OVCH1: variants seen among roughly 807,000 people sequenced by gnomAD.
OVCH1 encodes the protein ovochymase-1.
A neutral mutation model predicts 138.4 loss-of-function variants in OVCH1; 139 were observed. The ratio of observed to expected loss-of-function variants is 1.00; its 90% CI spans 0.87 to 1.16. The LOEUF (loss-of-function observed/expected upper bound fraction) is 1.16, where lower values mean the gene tolerates loss of function less well. OVCH1 is among the 50% of genes most tolerant of loss of function. The probability of loss-of-function intolerance (pLI) is 0.00; values close to 1 mark genes in which losing one functional copy is unlikely to be tolerated. For synonymous variants in OVCH1, 453 were observed against 467.8 expected, an observed-to-expected ratio of 0.97 and a Z score of 0.41; for missense variants, 1,367 against 1,357.9, an observed-to-expected ratio of 1.01 and a Z score of -0.11.
rs747347480 is a variant in OVCH1, at chr12:29,491,108, T to G, written c.539A>C (p.Lys180Thr). The stretch of plus-strand genomic sequence containing the variant: ...TTGGTGTCTCTTACTTTTGGAAATC[T>G]TGCCCCATCCACTGGATAAGCAAAG... The change falls in exon 5 of 28, where the codon AAG becomes ACG. Residue 180 changes from lysine (K) to threonine (T), a missense_variant. Lys to Thr is a moderately conservative substitution (Grantham distance 78). Coordinates refer to ENST00000318184, the Ensembl canonical transcript of OVCH1. The G allele has an allele frequency of 1.9e-6, 3 of 1,613,498 alleles. No homozygotes were observed. In the African/African-American group the frequency reaches 4.0e-5, roughly 22 times the overall value.
downstream of OVCH1, chr12:29,423,403 C>A: frequency 7.7e-6 from 3 of 387,842 alleles, no homozygotes; most frequent in East Asian, 7.6e-5. Context: ...TTGATATTAA[C>A]AAAAGAATGA....
intron 16 of OVCH1, among the ~76,000 whole-genome samples, chr12:29,469,371 CA>C (rs369261987): frequency 2.0e-5 from 3 of 151,568 alleles, no homozygotes; most frequent in South Asian, 2.1e-4. Context: ...GGATGTTCTA[CA>C]AAAAAAACAG....
downstream of OVCH1, among the ~76,000 whole-genome samples, chr12:29,411,101 CT>C (rs1940949239): frequency 8.9e-6 from 1 of 112,332 alleles, no homozygotes; most frequent in African/African-American, 2.7e-5. Context: ...ATCGCATCAG[CT>C]CCTGAGGCTT....
intron 3 of OVCH1, among the ~76,000 whole-genome samples, chr12:29,495,690 CCTTTT>C (rs1943397159): frequency 6.6e-6 from 1 of 151,924 alleles, no homozygotes; most frequent in Admixed American, 6.5e-5. Context: ...AATATTGCAT[CCTTTT>C]CTTCTTTGAT....
chr12:29,489,178 A>G (rs3825238), intron 6 of OVCH1, among the ~76,000 whole-genome samples: 75,441 of 151,942 alleles, frequency 0.5, 19,175 homozygotes, highest in East Asian at 0.73. Flanking sequence ...GGGAGATTGT[A>G]GTTATTCCCA....
chr12:29,493,882 T>C (rs1253223250), intron 4 of OVCH1, among the ~76,000 whole-genome samples: 1 of 152,250 alleles, frequency 6.6e-6, no homozygotes, highest in African/African-American at 2.4e-5. Context: ...GTGCTCGAAT[T>C]CATTAAAACT....
At chr12:29,495,361 G>C in exon 4 of OVCH1, 2 of 1,613,060 alleles carry the variant, frequency 1.2e-6, no homozygotes, top group Non-Finnish European at 1.7e-6. Context: ...ATTCAGGATG[G>C]GTAATAATTT....
chr12:29,411,078 T>C (rs914912103), downstream of OVCH1, among the ~76,000 whole-genome samples: 5 of 131,270 alleles, frequency 3.8e-5, no homozygotes, highest in Non-Finnish European at 8.6e-5. Flanking sequence ...GCTGATACCC[T>C]TTCTTCCAGT....
At chr12:29,402,763 T>G in the OVCH1 span, among the ~76,000 whole-genome samples, 48 of 150,144 alleles carry the variant, frequency 3.2e-4, no homozygotes, top group African/African-American at 1.2e-3. Context: ...TGAAAGAGTG[T>G]AAGAAGTCCA....
chr12:29,455,690 G>C (rs1367595530), intron 19 of OVCH1, among the ~76,000 whole-genome samples: 1 of 152,158 alleles, frequency 6.6e-6, no homozygotes, highest in African/African-American at 2.4e-5. Flanking sequence ...CCATCGGAGG[G>C]AGATAGTCTT....
chr12:29,466,254 A>G lies in OVCH1; in HGVS notation c.1857-1035T>C, dbSNP rs58479340. Among the ~76,000 whole-genome samples the G allele has an allele frequency of 3.0e-4, 46 of 152,090 alleles. 1 individual carries two copies. The East Asian group carries it at 7.7e-3, about 26-fold the overall frequency. On this transcript the variant is annotated intron_variant, in intron 16 of 27. Coordinates refer to ENST00000318184, the Ensembl canonical transcript of OVCH1. ...TAGAACTTAAAGTATAATAAAAAAT[A>G]TATACAAAAAAATCATAAGGAAGAG...
At chr12:29,446,588 GA>G (rs1941621793) in intron 22 of OVCH1, among the ~76,000 whole-genome samples, 1 of 152,036 alleles carries the variant, frequency 6.6e-6, no homozygotes, top group South Asian at 2.1e-4. Flanking sequence ...TGCTAGGTTG[GA>G]AAATTATAGG....
chr12:29,492,121 G>T (rs1356848500), intron 4 of OVCH1, among the ~76,000 whole-genome samples: 3 of 152,112 alleles, frequency 2.0e-5, no homozygotes, highest in Admixed American at 6.5e-5. Flanking sequence ...GAATGGCATG[G>T]AAGATGTCAT....
intron 21 of OVCH1, 109 bp from the exon 22 acceptor site, chr12:29,451,678 CTT>C: frequency 1.3e-6 from 1 of 772,636 alleles, no homozygotes; most frequent in East Asian, 2.7e-5. Context: ...AAAATTAAGA[CTT>C]TGTTACTGTC....
intron 13 of OVCH1, 38 bp from the exon 14 acceptor site, chr12:29,475,227 T>A: frequency 1.5e-6 from 2 of 1,362,604 alleles, no homozygotes; most frequent in Non-Finnish European, 1.9e-6. Flanking sequence ...TATAGTTATA[T>A]TTTTAAAAAA....
At chr12:29,494,951 G>A (rs745377912) in intron 4 of OVCH1, among the ~76,000 whole-genome samples, 2 of 151,968 alleles carry the variant, frequency 1.3e-5, no homozygotes, top group African/African-American at 2.4e-5. Flanking sequence ...AAATATTTAA[G>A]GTAATAGATA....
chr12:29,464,731 A>G (rs758043740), intron 17 of OVCH1, 29 bp from the exon 18 acceptor site: 43 of 1,579,516 alleles, frequency 2.7e-5, no homozygotes, highest in Non-Finnish European at 3.5e-5. Flanking sequence ...AGCAAATTAC[A>G]ACGTAAGAAA....
chr12:29,439,494 AAAAAC>A, intron 25 of OVCH1: 3 of 1,429,242 alleles, frequency 2.1e-6, no homozygotes, highest in Non-Finnish European at 1.8e-6. Context: ...GCAAAAAACA[AAAAAC>A]AAACTTCTCT....
At chr12:29,492,341 T>C (rs565902905) in intron 4 of OVCH1, among the ~76,000 whole-genome samples, 4 of 147,766 alleles carry the variant, frequency 2.7e-5, no homozygotes, top group African/African-American at 1.0e-4. Flanking sequence ...AAAAAAAAAA[T>C]AAACAAATCA....
Sources: allele counts gnomAD v4.1 joint callset (sites outside exome capture counted in the v4.1 genomes callset), GRCh38; gene constraint gnomAD v4.1.1; transcripts MANE v1.5; gene names NCBI Gene and HGNC (gene_info 2026-07-23, HGNC 2026-07-21).